SGCD: variants seen among roughly 807,000 people sequenced by gnomAD.
SGCD encodes the protein sarcoglycan delta.
Under a neutral mutation model 36.6 loss-of-function variants are expected in SGCD, and 18 were observed. The observed-to-expected ratio is 0.49, with a 90% CI of 0.34 to 0.73. SGCD has a LOEUF of 0.73. Among genes scored for constraint, SGCD ranks in the 30% least tolerant of loss-of-function variants. The pLI, the probability that SGCD is intolerant of heterozygous loss-of-function variation, is 0.01. For synonymous variants in SGCD, 133 were observed against 130.6 expected, an observed-to-expected ratio of 1.02 and a Z score of -0.12; for missense variants, 387 against 346.7, an observed-to-expected ratio of 1.12 and a Z score of -0.92.
At chr5:155,895,497 A>G (rs1046319224) in intron 1 of SGCD, among the ~76,000 whole-genome samples, 3 of 152,210 alleles carry the variant, frequency 2.0e-5, no homozygotes. Context: ...ATCCACAGCC[A>G]GGGGTTCATG....
At chr5:156,200,884 C>T (rs1346012639) in intron 3 of SGCD, among the ~76,000 whole-genome samples, 2 of 152,094 alleles carry the variant, frequency 1.3e-5, no homozygotes, top group Non-Finnish European at 2.9e-5. Context: ...GCAGTAGAGA[C>T]ATACAGTGGA....
At chr5:155,834,834 CTT>C in the SGCD span, among the ~76,000 whole-genome samples, 18 of 135,508 alleles carry the variant, frequency 1.3e-4, no homozygotes, top group African/African-American at 2.1e-4. Flanking sequence ...TGAATGTAAT[CTT>C]TTTTTTTTTT....
At chr5:156,453,200 AATAAG>A (rs1483438616) in intron 3 of SGCD, among the ~76,000 whole-genome samples, 1 of 152,210 alleles carries the variant, frequency 6.6e-6, no homozygotes, top group African/African-American at 2.4e-5. Context: ...TTAGAGGAGA[AATAAG>A]ATAATATGAC....
the SGCD span, among the ~76,000 whole-genome samples, chr5:155,759,712 G>A: frequency 6.6e-6 from 1 of 152,182 alleles, no homozygotes; most frequent in Admixed American, 6.5e-5. Flanking sequence ...ATTTATTATT[G>A]ATTAGTAAAG....
intron 4 of SGCD, among the ~76,000 whole-genome samples, chr5:156,562,207 T>C (rs1318755985): frequency 2.0e-5 from 3 of 152,142 alleles, no homozygotes; most frequent in African/African-American, 7.2e-5. Context: ...TTATGTAATA[T>C]GCAAAGATAG....
chr5:155,911,184 C>T lies in SGCD; in HGVS notation c.-282+40760C>T, dbSNP rs569693801. ...GTTTTAAAATGTTGACCACCATCTTCAAATATAGCTTATTACATGTGAATT... is the reference window on the plus strand; with the variant it reads ...GTTTTAAAATGTTGACCACCATCTTTAAATATAGCTTATTACATGTGAATT... On this transcript the variant is annotated intron_variant, in intron 1 of 9. Transcript: ENST00000517913. Among the ~76,000 whole-genome samples, 41 of 152,122 alleles carry T rather than the reference C, an allele frequency of 2.7e-4. No individual in the cohort carries two copies. In the East Asian group the frequency reaches 7.0e-3, roughly 26 times the overall value.
intron 4 of SGCD, among the ~76,000 whole-genome samples, chr5:156,537,067 G>T (rs1758145086): frequency 6.6e-6 from 1 of 152,108 alleles, no homozygotes; most frequent in Non-Finnish European, 1.5e-5. Flanking sequence ...GAGATTTCCG[G>T]TCCTGAAACT....
intron 1 of SGCD, among the ~76,000 whole-genome samples, chr5:156,035,954 C>A (rs1460029334): frequency 6.6e-6 from 1 of 152,130 alleles, no homozygotes; most frequent in Non-Finnish European, 1.5e-5. Context: ...AATAGGGAAG[C>A]TGTTAGTTAT....
chr5:156,291,473 C>T (rs1239640480), intron 3 of SGCD, among the ~76,000 whole-genome samples: 1 of 152,046 alleles, frequency 6.6e-6, no homozygotes, highest in Admixed American at 6.6e-5. Flanking sequence ...AGGCAACAGG[C>T]CAGACAGTTT....
chr5:156,743,043 G>C (rs1037560264), intron 7 of SGCD, among the ~76,000 whole-genome samples: 1 of 150,650 alleles, frequency 6.6e-6, no homozygotes, highest in African/African-American at 2.4e-5. Context: ...TTTTTTGCCC[G>C]CTTATACCAC....
chr5:156,708,705 T>A (rs1198908557), intron 7 of SGCD, among the ~76,000 whole-genome samples: 1 of 152,104 alleles, frequency 6.6e-6, no homozygotes, highest in African/African-American at 2.4e-5. Context: ...AAAGAGAAAG[T>A]GCACTATTTT....
At chr5:156,464,069 T>C (rs1157874940) in intron 3 of SGCD, among the ~76,000 whole-genome samples, 1 of 152,198 alleles carries the variant, frequency 6.6e-6, no homozygotes, top group Admixed American at 6.5e-5. Flanking sequence ...ATGCACTGTC[T>C]TGTTTAAAAC....
intron 3 of SGCD, among the ~76,000 whole-genome samples, chr5:156,382,099 A>C (rs1399607377): frequency 6.6e-6 from 1 of 152,158 alleles, no homozygotes; most frequent in East Asian, 1.9e-4. Context: ...AGGAATGTTA[A>C]ATTCCATAAG....
chr5:155,958,263 T>C (rs1757707511), intron 1 of SGCD, among the ~76,000 whole-genome samples: 1 of 152,096 alleles, frequency 6.6e-6, no homozygotes, highest in Non-Finnish European at 1.5e-5. Flanking sequence ...TGTGATGGTT[T>C]CTGTTCTGTG....
chr5:156,261,372 A>G (rs1765858451), intron 3 of SGCD, among the ~76,000 whole-genome samples: 2 of 152,216 alleles, frequency 1.3e-5, no homozygotes, highest in Admixed American at 6.5e-5. Flanking sequence ...CACACACCAC[A>G]CAAGGATGTT....
intron 3 of SGCD, among the ~76,000 whole-genome samples, chr5:156,218,368 A>T (rs1031274856): frequency 2.6e-5 from 4 of 152,218 alleles, no homozygotes; most frequent in Non-Finnish European, 5.9e-5. Flanking sequence ...AATTAAAATG[A>T]TTCAAATTTA....
chr5:156,580,218 C>G (rs1180464402), intron 4 of SGCD, among the ~76,000 whole-genome samples: 1 of 152,218 alleles, frequency 6.6e-6, no homozygotes, highest in Non-Finnish European at 1.5e-5. Context: ...AAACTCTTTT[C>G]TTTAAGAATG....
chr5:156,424,383 A>C (rs1009324788), intron 3 of SGCD, among the ~76,000 whole-genome samples: 3 of 152,000 alleles, frequency 2.0e-5, no homozygotes, highest in African/African-American at 7.2e-5. Context: ...GTGGCCTCCA[A>C]TTCTCCACAA....
At chr5:156,172,073 A>G (rs765750981) in intron 3 of SGCD, among the ~76,000 whole-genome samples, 5 of 152,138 alleles carry the variant, frequency 3.3e-5, no homozygotes, top group Admixed American at 6.6e-5. Context: ...ACCTGAGGTC[A>G]GGAGTTTGAG....
Sources: allele counts gnomAD v4.1 joint callset (sites outside exome capture counted in the v4.1 genomes callset), GRCh38; gene constraint gnomAD v4.1.1; transcripts MANE v1.5; gene names NCBI Gene and HGNC (gene_info 2026-07-23, HGNC 2026-07-21).